Variants in LYST observed in about 807,000 individuals in gnomAD.
The protein encoded by LYST is lysosomal trafficking regulator, also known as lysosomal-trafficking regulator.
Under a neutral mutation model 413.6 loss-of-function variants are expected in LYST, and 192 were observed. That is an observed-to-expected ratio of 0.46 (90% CI 0.41 to 0.52). LYST has a LOEUF of 0.52. LYST is among the 20% of genes least tolerant of loss of function. The pLI is 0.00. For missense variants in LYST, 3,815 were observed against 4,499.9 expected, an observed-to-expected ratio of 0.85 and a Z score of 4.35; for synonymous variants, 1,525 against 1,567.3, an observed-to-expected ratio of 0.97 and a Z score of 0.64.
At chr1:235,738,509 C>A (rs145374393) in intron 31 of LYST, 1 of 1,612,060 alleles carries the variant, frequency 6.2e-7, no homozygotes, top group East Asian at 2.2e-5. Flanking sequence ...CAGCCCAATT[C>A]CGTTACCCAA....
intron 6 of LYST, among the ~76,000 whole-genome samples, chr1:235,805,019 A>AT (rs931888533): frequency 1.1e-4 from 17 of 152,148 alleles, no homozygotes; most frequent in African/African-American, 4.1e-4. Flanking sequence ...AAGCATCAGG[A>AT]TTTTTTAGAG....
chr1:235,738,898 G>T (rs779981674), intron 31 of LYST: 12 of 737,082 alleles, frequency 1.6e-5, no homozygotes, highest in Admixed American at 3.5e-5. Flanking sequence ...ATCTCAGACC[G>T]TGTGAAGGTG....
At position 235,806,704 on chromosome 1, in the gene LYST, C is replaced by A. The variant is rs760751774; in HGVS notation, c.2432G>T (p.Gly811Val). ...TGCTTTTAGAGAATGACTTCGAATACCATTTAAGCAATTTAATTCGATTAT... is the reference window on the plus strand; with the variant it reads ...TGCTTTTAGAGAATGACTTCGAATAACATTTAAGCAATTTAATTCGATTAT... ...SQIIELNCLN[G>V]IRSHSLKAFE... The change falls in exon 6 of 53, where the codon GGT (glycine) becomes GTT (valine). Residue 811 changes from glycine (G) to valine (V), a missense_variant. Transcript: ENST00000389793. The A allele has an allele frequency of 6.2e-7, 1 of 1,612,942 alleles. No individual in the cohort carries two copies. Among genetic ancestry groups the A allele is most frequent in the South Asian group, 1.1e-5 (1 of 91,056 alleles).
intron 40 of LYST, among the ~76,000 whole-genome samples, chr1:235,719,299 T>C (rs1282534124): frequency 6.6e-6 from 1 of 152,070 alleles, no homozygotes; most frequent in Non-Finnish European, 1.5e-5. Flanking sequence ...ATTACAGGAG[T>C]GAGCCACCAC....
intron 16 of LYST, among the ~76,000 whole-genome samples, chr1:235,779,800 C>A (rs1003888496): frequency 5.3e-5 from 8 of 152,078 alleles, no homozygotes; most frequent in Admixed American, 3.3e-4. Context: ...AACAACAACA[C>A]CACAAACAAC....
exon 1 of LYST, chr1:235,883,249 C>T (rs1425554057): frequency 4.6e-5 from 7 of 152,400 alleles, no homozygotes; most frequent in South Asian, 4.2e-4. Flanking sequence ...AATTAGCAAC[C>T]GTCTTCCCAG....
At chr1:235,699,455 T>G (rs1378973269) in intron 45 of LYST, among the ~76,000 whole-genome samples, 1 of 152,198 alleles carries the variant, frequency 6.6e-6, no homozygotes, top group Non-Finnish European at 1.5e-5. Context: ...TCATGGTATA[T>G]ATTTTCTTTA....
chr1:235,683,636 A>G (rs1249857312), intron 48 of LYST, among the ~76,000 whole-genome samples: 1 of 152,252 alleles, frequency 6.6e-6, no homozygotes, highest in Non-Finnish European at 1.5e-5. Flanking sequence ...TCCCCTTGAA[A>G]GTATTTTCAA....
chr1:235,863,795 C>T (rs779011926), intron 1 of LYST, among the ~76,000 whole-genome samples: 1 of 152,188 alleles, frequency 6.6e-6, no homozygotes, highest in Non-Finnish European at 1.5e-5. Context: ...AACAAAGTCA[C>T]TTGTGTTTAC....
At chr1:235,844,420 A>G (rs1435901502) in intron 1 of LYST, among the ~76,000 whole-genome samples, 2 of 152,224 alleles carry the variant, frequency 1.3e-5, no homozygotes, top group East Asian at 3.8e-4. Flanking sequence ...ACTGAGGCCT[A>G]CAGGTCCAAG....
chr1:235,685,352 C>T (rs1660132566), intron 48 of LYST, among the ~76,000 whole-genome samples: 1 of 152,122 alleles, frequency 6.6e-6, no homozygotes, highest in African/African-American at 2.4e-5. Context: ...GGCTCCCAGT[C>T]TCATGCCCTT....
At chr1:235,721,950 C>A (rs1291431393) in intron 39 of LYST, among the ~76,000 whole-genome samples, 2 of 152,004 alleles carry the variant, frequency 1.3e-5, no homozygotes, top group Non-Finnish European at 2.9e-5. Context: ...AAAAACAGAC[C>A]AAAGTAAAGG....
At chr1:235,820,716 TA>T (rs1418972763) in intron 3 of LYST, among the ~76,000 whole-genome samples, 1 of 152,256 alleles carries the variant, frequency 6.6e-6, no homozygotes. Flanking sequence ...CTTGACATGC[TA>T]ATTAAATTTG....
At chr1:235,823,799 G>A (rs1675040227) in intron 3 of LYST, among the ~76,000 whole-genome samples, 1 of 152,206 alleles carries the variant, frequency 6.6e-6, no homozygotes, top group Admixed American at 6.5e-5. Flanking sequence ...TATCTAAGAA[G>A]CAGTTCCTGA....
intron 1 of LYST, among the ~76,000 whole-genome samples, chr1:235,871,918 C>T (rs1367572959): frequency 6.6e-6 from 1 of 152,146 alleles, no homozygotes; most frequent in Non-Finnish European, 1.5e-5. Flanking sequence ...TTTCCTCAAC[C>T]CTCCCAGGGT....
intron 45 of LYST, among the ~76,000 whole-genome samples, chr1:235,701,849 T>C (rs896343778): frequency 6.6e-6 from 1 of 152,250 alleles, no homozygotes; most frequent in Non-Finnish European, 1.5e-5. Flanking sequence ...TAAGTTTTGT[T>C]TGTATTTAAC....
chr1:235,760,004 T>C (rs1170836316), intron 22 of LYST, among the ~76,000 whole-genome samples: 1 of 152,194 alleles, frequency 6.6e-6, no homozygotes, highest in African/African-American at 2.4e-5. Flanking sequence ...TTTCCTGTCT[T>C]CTTAACAAAA....
Position 235,663,884 on chromosome 1 carries a change from C to A in LYST, c.11267+100G>T, listed in dbSNP as rs974121748. 1.0e-5 allele frequency: 11 copies of A among 1,049,386 alleles called. No individual in the cohort carries two copies. The South Asian group carries it at 1.4e-4, about 13-fold the overall frequency. The allele number at this position is 1,049,386 out of a possible 1,614,324, so 65.0% of individuals were successfully genotyped here. The stretch of plus-strand genomic sequence containing the variant: ...AGTGGTTGGCTTTTCATGATGACTT[C>A]AATTGCACATTTCTTTAAGTCTGTG... On this transcript the variant is annotated intron_variant, in intron 52 of 52. Transcript: ENST00000389793.
At chr1:235,787,673 A>G (rs1161560498) in intron 13 of LYST, among the ~76,000 whole-genome samples, 1 of 152,128 alleles carries the variant, frequency 6.6e-6, no homozygotes, top group Non-Finnish European at 1.5e-5. Context: ...TTATATAGCC[A>G]TTGCCCATTT....
Sources: allele counts gnomAD v4.1 joint callset (sites outside exome capture counted in the v4.1 genomes callset), GRCh38; gene constraint gnomAD v4.1.1; transcripts MANE v1.5; gene names NCBI Gene and HGNC (gene_info 2026-07-23, HGNC 2026-07-21).